The following CCDC102B variants were observed in gnomAD, a reference collection of about 807,000 sequenced individuals.
CCDC102B encodes the protein coiled-coil domain containing 102B.
In CCDC102B, 75 loss-of-function variants were observed where a neutral mutation model predicts 57.4. The observed-to-expected ratio is 1.31, with a 90% CI of 1.08 to 1.58. The LOEUF (loss-of-function observed/expected upper bound fraction) is 1.58. Ranked by LOEUF, CCDC102B falls within the 40% of genes most tolerant of loss-of-function variation. The pLI is 0.00. For synonymous variants in CCDC102B, 206 were observed against 201.9 expected (o/e 1.02, Z -0.17); for missense variants, 636 against 582.6 (o/e 1.09, Z -0.94).
chr18:68,858,520 T>C (rs1228168382), intron 4 of CCDC102B, among the ~76,000 whole-genome samples: 1 of 152,126 alleles, frequency 6.6e-6, no homozygotes, highest in East Asian at 1.9e-4. Context: ...CTATTTACAG[T>C]ATATTAGGTG....
intron 1 of CCDC102B, among the ~76,000 whole-genome samples, chr18:68,814,074 G>C (rs2036384411): frequency 6.6e-6 from 1 of 152,054 alleles, no homozygotes; most frequent in Non-Finnish European, 1.5e-5. Context: ...AGAAAAAATG[G>C]AATTAATTTT....
chr18:69,031,410 C>G (rs1276081256), intron 7 of CCDC102B, among the ~76,000 whole-genome samples: 4 of 148,420 alleles, frequency 2.7e-5, no homozygotes, highest in Non-Finnish European at 5.9e-5. Flanking sequence ...TGTATTATTC[C>G]TTGTGTTCTC....
rs71175201 is a variant in CCDC102B at position 68,853,672 on chromosome 18, T to TAAAAAAAAAAA, written c.936+7271_936+7281dup. On this transcript the variant is annotated intron_variant, in intron 4 of 7. Coordinates refer to ENST00000360242, the MANE Select transcript of CCDC102B (RefSeq NM_024781.3). ...CGAATTTTTCTTTATCCCCAAATTG[T>TAAAAAAAAAAA]AAAAAAAAAAAAAAAAAAAAAAAAA... 2.1e-3 allele frequency among the ~76,000 whole-genome samples: 199 copies of TAAAAAAAAAAA among 94,624 alleles called. 16 individuals carry two copies. Among genetic ancestry groups the TAAAAAAAAAAA allele is most frequent in the African/African-American group, 4.6e-3 (99 of 21,338 alleles). 62.1% of individuals were successfully genotyped at this position (94,624 alleles called of 152,430 possible). A position where few individuals can be genotyped will look rare whatever the true frequency, so the allele number is the denominator to read the frequency against.
At chr18:68,805,988 A>G (rs568002099) in intron 1 of CCDC102B, among the ~76,000 whole-genome samples, 1 of 152,336 alleles carries the variant, frequency 6.6e-6, no homozygotes, top group South Asian at 2.1e-4. Flanking sequence ...ACTGTATTAA[A>G]GAGCAATCTT....
In CCDC102B at chr18:68,782,733, A is replaced by T. The variant is rs538211603; in HGVS notation, c.-66-40633A>T. On this transcript the variant is annotated intron_variant, in intron 2 of 3. Transcript: ENST00000578970. ...TGAAATCTTGAGGGAAATTTGTTTG[A>T]AAGTGTTTAGAATGAAAATAATATT... Among the ~76,000 whole-genome samples the T allele has an allele frequency of 2.0e-5, 3 of 152,318 alleles. No homozygotes were observed. In the South Asian group the frequency reaches 6.2e-4, roughly 32 times the overall value.
intron 6 of CCDC102B, among the ~76,000 whole-genome samples, chr18:68,950,176 T>C (rs2049655182): frequency 6.6e-6 from 1 of 152,190 alleles, no homozygotes; most frequent in African/African-American, 2.4e-5. Context: ...TGGTAATGCC[T>C]TTTTTTCTGG....
chr18:68,801,225 A>G (rs1011543781), intron 1 of CCDC102B, among the ~76,000 whole-genome samples: 4 of 152,124 alleles, frequency 2.6e-5, no homozygotes, highest in African/African-American at 4.8e-5. Context: ...TTCTAAGAAT[A>G]TATTCTATAG....
intron 5 of CCDC102B, among the ~76,000 whole-genome samples, chr18:68,883,999 T>C (rs4891710): frequency 0.99 from 150,666 of 152,272 alleles, 74,563 homozygotes; most frequent in East Asian, 1. Flanking sequence ...ACTAGAAAAG[T>C]ATCAGTAGAA....
intron 6 of CCDC102B, among the ~76,000 whole-genome samples, chr18:69,010,115 T>C (rs1186686184): frequency 7.1e-6 from 1 of 140,146 alleles, no homozygotes; most frequent in East Asian, 2.1e-4. Flanking sequence ...TTTTTTTTTT[T>C]TTTTTTTTAG....
At chr18:68,946,805 A>G (rs575994637) in intron 6 of CCDC102B, among the ~76,000 whole-genome samples, 1 of 152,140 alleles carries the variant, frequency 6.6e-6, no homozygotes, top group East Asian at 1.9e-4. Flanking sequence ...TAGGATAAAG[A>G]TTTCATTCCA....
At chr18:68,772,327 G>C (rs2034667378) in intron 2 of CCDC102B, among the ~76,000 whole-genome samples, 1 of 152,106 alleles carries the variant, frequency 6.6e-6, no homozygotes, top group Non-Finnish European at 1.5e-5. Flanking sequence ...TGAAAAGCTG[G>C]TAGCATAGGC....
intron 7 of CCDC102B, among the ~76,000 whole-genome samples, chr18:69,032,376 A>C (rs981253408): frequency 6.6e-6 from 1 of 152,218 alleles, no homozygotes; most frequent in African/African-American, 2.4e-5. Context: ...TGTTGTCATG[A>C]AAATTGATAT....
At chr18:69,056,307 A>C (rs1261092359), downstream of CCDC102B, among the ~76,000 whole-genome samples, 1 of 152,090 alleles carries the variant, frequency 6.6e-6, no homozygotes, top group Non-Finnish European at 1.5e-5. Context: ...GGTGTGCAAC[A>C]ATCAATGCCA....
intron 1 of CCDC102B, among the ~76,000 whole-genome samples, chr18:68,816,463 T>C (rs960537844): frequency 2.6e-3 from 154 of 59,388 alleles, no homozygotes; most frequent in Non-Finnish European, 3.6e-3. Context: ...TCCTTTCTTT[T>C]TTTTTTTTTT....
chr18:69,055,216 ACT>A, downstream of CCDC102B: 1 of 893,276 alleles, frequency 1.1e-6, no homozygotes, highest in Non-Finnish European at 1.3e-6. Context: ...TTTGTCATTC[ACT>A]GAGTCTTCAC....
intron 2 of CCDC102B, among the ~76,000 whole-genome samples, chr18:68,790,354 C>T (rs2035397158): frequency 6.6e-6 from 1 of 151,676 alleles, no homozygotes. Flanking sequence ...GTGGTGGGCT[C>T]CACCCAGTTC....
chr18:68,900,271 C>G (rs980547919), intron 6 of CCDC102B: 1 of 152,008 alleles, frequency 6.6e-6, no homozygotes, highest in Non-Finnish European at 1.5e-5. Context: ...ATGTTTAAGA[C>G]CTAGATTTGT....
At chr18:68,951,091 C>G (rs930204240) in intron 6 of CCDC102B, among the ~76,000 whole-genome samples, 1 of 152,042 alleles carries the variant, frequency 6.6e-6, no homozygotes, top group African/African-American at 2.4e-5. Flanking sequence ...AAAAACTGAG[C>G]ATACACAGTG....
chr18:68,867,161 G>A (rs982182394), intron 4 of CCDC102B: 3 of 162,214 alleles, frequency 1.8e-5, no homozygotes, highest in African/African-American at 7.2e-5. Flanking sequence ...CAGATCCCCT[G>A]GAGCTCAGTA....
Sources: gnomAD v4.1 joint callset for allele counts (sites outside exome capture counted in the v4.1 genomes callset) on GRCh38, gnomAD v4.1.1 for gene constraint, MANE v1.5 for transcripts, NCBI Gene and HGNC (gene_info 2026-07-23, HGNC 2026-07-21) for gene names.